Variants in NFAM1 observed in about 807,000 individuals in gnomAD.
The protein encoded by NFAM1 is NFAT activating protein with ITAM motif 1, also known as NFAT activation molecule 1.
NFAM1 carries 17 observed loss-of-function variants against 29.0 expected under a neutral mutation model. The ratio of observed to expected loss-of-function variants is 0.59; its 90% CI spans 0.40 to 0.88. The LOEUF is 0.88. NFAM1 is among the 40% of genes least tolerant of loss of function. The pLI is 0.00. For synonymous variants in NFAM1, 175 were observed against 147.2 expected (o/e 1.19, Z -1.36); for missense variants, 324 against 344.6 (o/e 0.94, Z 0.47).
At chr22:42,391,911 C>T (rs112243458) in intron 4 of NFAM1, among the ~76,000 whole-genome samples, 146 of 145,410 alleles carry the variant, frequency 1.0e-3, no homozygotes, top group African/African-American at 3.6e-3. Context: ...CGCCACTGCA[C>T]TCCAGCCTGG....
chr22:42,402,827 C>CCTTCTT (rs1247696728), intron 3 of NFAM1, among the ~76,000 whole-genome samples: 1 of 136,490 alleles, frequency 7.3e-6, no homozygotes, highest in African/African-American at 3.1e-5. Context: ...TCCCTCTGTG[C>CCTTCTT]CTTCTTTTTT....
intron 4 of NFAM1, among the ~76,000 whole-genome samples, chr22:42,395,881 C>CAAAAAA (rs60278301): frequency 1.1e-5 from 1 of 93,794 alleles, no homozygotes; most frequent in Non-Finnish European, 2.3e-5. Flanking sequence ...AGACTCTGCT[C>CAAAAAA]AAAAAAAAAA....
intron 3 of NFAM1, among the ~76,000 whole-genome samples, chr22:42,402,020 G>A (rs543639113): frequency 9.1e-4 from 138 of 152,360 alleles, no homozygotes; most frequent in Non-Finnish European, 1.5e-3. Context: ...TAAGTCCCCC[G>A]CCTACAGGGG....
At chr22:42,400,521 G>A (rs1268304267) in intron 3 of NFAM1, among the ~76,000 whole-genome samples, 3 of 152,216 alleles carry the variant, frequency 2.0e-5, no homozygotes, top group Admixed American at 6.5e-5. Flanking sequence ...GGGAGGCTGA[G>A]GCAGAGAATT....
intron 1 of NFAM1, among the ~76,000 whole-genome samples, chr22:42,431,345 G>A (rs986979982): frequency 6.6e-6 from 1 of 152,174 alleles, no homozygotes; most frequent in African/African-American, 2.4e-5. Flanking sequence ...GCAGGACAGG[G>A]TGGGGGCAGC....
At chr22:42,437,432 C>T in the NFAM1 span, among the ~76,000 whole-genome samples, 5 of 152,096 alleles carry the variant, frequency 3.3e-5, no homozygotes, top group Admixed American at 3.3e-4. Context: ...TGTGACCTAC[C>T]ATACCCGGCC....
chr22:42,413,417 G>A (rs1050046499), intron 1 of NFAM1, among the ~76,000 whole-genome samples: 1 of 152,150 alleles, frequency 6.6e-6, no homozygotes, highest in Non-Finnish European at 1.5e-5. Flanking sequence ...TTGGCCCTGT[G>A]CGTCAGTTAA....
Position 42,380,845 on chromosome 22 carries a change from CT to C in NFAM1, c.*4315del, listed in dbSNP as rs1421820418. 6.6e-6 allele frequency: 1 copy of C among 152,496 alleles called. No homozygotes were observed. Among genetic ancestry groups the C allele is most frequent in the Non-Finnish European group, 1.5e-5 (1 of 68,018 alleles). 9.4% of individuals were successfully genotyped at this position (152,496 alleles called of 1,614,324 possible). On this transcript the variant is annotated 3_prime_UTR_variant, in exon 6 of 6. Transcript: ENST00000329021. Reference sequence around the variant, plus strand: ...AAGAAAAAGGAAAAGCAGGTTTTGCCTGTAACTTGAGTTCAGGTTTGTGACA... The same window carrying C: ...AAGAAAAAGGAAAAGCAGGTTTTGCCGTAACTTGAGTTCAGGTTTGTGACA...
At chr22:42,400,122 G>A (rs1385676325) in intron 3 of NFAM1, among the ~76,000 whole-genome samples, 1 of 152,208 alleles carries the variant, frequency 6.6e-6, no homozygotes, top group Non-Finnish European at 1.5e-5. Flanking sequence ...TTGAATCCAG[G>A]TCTGTGTTTC....
At chr22:42,414,047 T>C (rs9607898) in intron 1 of NFAM1, among the ~76,000 whole-genome samples, 25,837 of 151,908 alleles carry the variant, frequency 0.17, 2,353 homozygotes, top group South Asian at 0.3. Flanking sequence ...GAGCAAGACT[T>C]CGTCTCAAAA....
chr22:42,406,018 A>G (rs1328734202), intron 3 of NFAM1, among the ~76,000 whole-genome samples: 1 of 152,104 alleles, frequency 6.6e-6, no homozygotes, highest in African/African-American at 2.4e-5. Context: ...CCCCAGCCTC[A>G]AGACAAGGAT....
In NFAM1 at chr22:42,408,394, A is replaced by G. The variant is rs574474681; in HGVS notation, c.564+1041T>C. Among the ~76,000 whole-genome samples the G allele has an allele frequency of 7.6e-4, 116 of 152,192 alleles. 1 individual carries two copies. Among genetic ancestry groups the G allele is most frequent in the East Asian group, 3.7e-3 (19 of 5,178 alleles). On this transcript the variant is annotated intron_variant, in intron 3 of 5. Coordinates refer to ENST00000329021, the MANE Select transcript of NFAM1 (RefSeq NM_145912.8). Reference sequence around the variant, plus strand: ...CCTTTTTTGACCCAGGGAGACCCCAATGATGGTGCCAGTGTTCACGCCTCA... The same window carrying G: ...CCTTTTTTGACCCAGGGAGACCCCAGTGATGGTGCCAGTGTTCACGCCTCA...
intron 1 of NFAM1, among the ~76,000 whole-genome samples, chr22:42,417,220 T>G (rs958774140): frequency 1.3e-5 from 2 of 152,052 alleles, no homozygotes; most frequent in Non-Finnish European, 2.9e-5. Context: ...AGTTTGAAGT[T>G]TTGTCTGTTA....
At chr22:42,421,661 G>A (rs776109694) in intron 1 of NFAM1, among the ~76,000 whole-genome samples, 2 of 152,078 alleles carry the variant, frequency 1.3e-5, no homozygotes, top group Non-Finnish European at 2.9e-5. Flanking sequence ...TCAAGCGCGC[G>A]TTGTCAGTCA....
chr22:42,405,947 G>A (rs1929882602), intron 3 of NFAM1, among the ~76,000 whole-genome samples: 1 of 152,164 alleles, frequency 6.6e-6, no homozygotes, highest in African/African-American at 2.4e-5. Flanking sequence ...TCCCGGGGGT[G>A]AAAGGCGCCA....
In NFAM1 at chr22:42,386,392, AACAAACACACAC is replaced by A. The variant is rs1419931606; in HGVS notation, c.753+585_753+596del. Among the ~76,000 whole-genome samples the A allele has an allele frequency of 2.2e-4, 11 of 48,984 alleles. No homozygotes were observed. In the South Asian group the frequency reaches 5.7e-3, roughly 25 times the overall value. 32.1% of individuals were successfully genotyped at this position (48,984 alleles called of 152,430 possible). ...CTGTCTCAAAACAAAAACAAAAACA[AACAAACACACAC>A]ACACACACACACACACACACACAAA... On this transcript the variant is annotated intron_variant, in intron 5 of 5. Coordinates refer to ENST00000329021, the MANE Select transcript of NFAM1 (RefSeq NM_145912.8).
rs149344374 is a variant in NFAM1 at position 42,402,982 on chromosome 22, C to T, written c.565-5026G>A. 9.9e-5 allele frequency among the ~76,000 whole-genome samples: 15 copies of T among 151,966 alleles called. No homozygotes were observed. The East Asian group carries it at 2.9e-3, about 29-fold the overall frequency. ...CCCGAGTAACTGGGATTACAGGAGCCTACCACCATGCCCGGCTAATTTTTT... is the reference window on the plus strand; with the variant it reads ...CCCGAGTAACTGGGATTACAGGAGCTTACCACCATGCCCGGCTAATTTTTT... On this transcript the variant is annotated intron_variant, in intron 3 of 5. Transcript: ENST00000329021.
At chr22:42,390,503 T>C (rs1416211663) in intron 4 of NFAM1, among the ~76,000 whole-genome samples, 2 of 151,846 alleles carry the variant, frequency 1.3e-5, no homozygotes, top group African/African-American at 4.8e-5. Context: ...AAAGGTCCCA[T>C]GAGGGTAGAG....
chr22:42,420,262 A>C (rs1356753768), intron 1 of NFAM1, among the ~76,000 whole-genome samples: 4 of 151,900 alleles, frequency 2.6e-5, no homozygotes, highest in African/African-American at 9.7e-5. Context: ...TCTTGAGCTC[A>C]GGACTTTAAG....
Sources: gnomAD v4.1 joint callset for allele counts (sites outside exome capture counted in the v4.1 genomes callset) on GRCh38, gnomAD v4.1.1 for gene constraint, MANE v1.5 for transcripts, NCBI Gene and HGNC (gene_info 2026-07-23, HGNC 2026-07-21) for gene names.